The following MAMLD1 variants were observed in gnomAD, a reference collection of about 807,000 sequenced individuals.
MAMLD1 encodes the protein mastermind-like domain-containing protein 1.
MAMLD1 carries 14 observed loss-of-function variants against 45.0 expected under a neutral mutation model. The observed-to-expected ratio is 0.31, with a 90% CI of 0.21 to 0.49. The LOEUF (loss-of-function observed/expected upper bound fraction) is 0.49. MAMLD1 is among the 20% of genes least tolerant of loss of function. The pLI is 0.99. For missense variants in MAMLD1, 543 were observed against 603.6 expected, an observed-to-expected ratio of 0.90 and a Z score of 1.05; for synonymous variants, 254 against 247.8, an observed-to-expected ratio of 1.02 and a Z score of -0.24.
chrX:150,368,728 T>C (rs1557400873), intron 1 of MAMLD1, among the ~76,000 whole-genome samples: 2 of 112,270 alleles, frequency 1.8e-5, no homozygotes, highest in African/African-American at 3.2e-5. Flanking sequence ...CATCTTGAAT[T>C]AATTTTTGTA....
intron 1 of MAMLD1, among the ~76,000 whole-genome samples, chrX:150,402,932 G>A (rs1299256227): frequency 8.1e-5 from 9 of 110,618 alleles, no homozygotes; most frequent in African/African-American, 2.6e-4. Flanking sequence ...TGGGGTGGGG[G>A]GAGGAAGGAG....
chrX:150,475,143 T>C (rs1376801464), intron 5 of MAMLD1, among the ~76,000 whole-genome samples: 1 of 111,103 alleles, frequency 9.0e-6, no homozygotes, highest in East Asian at 2.8e-4. Context: ...ACATTTGCCG[T>C]GGACGATAAT....
chrX:150,378,701 G>A (rs782702502), intron 1 of MAMLD1, among the ~76,000 whole-genome samples: 21 of 111,485 alleles, frequency 1.9e-4, no homozygotes, highest in Non-Finnish European at 1.1e-4. Context: ...TTTATATTAG[G>A]TTGACTTGTG....
At chrX:150,448,128 G>A (rs2035550193) in intron 2 of MAMLD1, among the ~76,000 whole-genome samples, 3 of 112,048 alleles carry the variant, frequency 2.7e-5, no homozygotes. Context: ...CCTAAGACTA[G>A]GGCTCAGAAC....
At chrX:150,484,443 C>T (rs971224271) in intron 5 of MAMLD1, among the ~76,000 whole-genome samples, 1 of 112,251 alleles carries the variant, frequency 8.9e-6, no homozygotes, top group Admixed American at 9.4e-5. Context: ...TATGAATTGC[C>T]CTAGTTCAAG....
At chrX:150,431,519 A>G (rs782278784) in intron 1 of MAMLD1, among the ~76,000 whole-genome samples, 4 of 110,331 alleles carry the variant, frequency 3.6e-5, no homozygotes, top group Non-Finnish European at 3.8e-5. Context: ...CCACCCACGT[A>G]ATAAGCATAG....
intron 1 of MAMLD1, among the ~76,000 whole-genome samples, chrX:150,384,957 C>T (rs1264328560): frequency 2.7e-5 from 3 of 110,497 alleles, no homozygotes; most frequent in African/African-American, 9.9e-5. Flanking sequence ...AAAATCTGCC[C>T]TCTTAGCAAG....
In MAMLD1 at chrX:150,398,568, A is replaced by G. The variant is rs961610070; in HGVS notation, c.-64+35038A>G. Among the ~76,000 whole-genome samples the G allele has an allele frequency of 8.1e-5, 9 of 111,291 alleles. No homozygotes were observed. The East Asian group carries it at 2.6e-3, about 32-fold the overall frequency. ...TCAGTGATAGTAATTACCCTGGGGT[A>G]CTCTCAGTGTGGACTCAATAATGGA... On this transcript the variant is annotated intron_variant, in intron 1 of 7. Coordinates refer to ENST00000370401, the MANE Select transcript of MAMLD1 (RefSeq NM_005491.5).
chrX:150,372,238 G>C (rs782141325), intron 1 of MAMLD1, among the ~76,000 whole-genome samples: 2 of 112,445 alleles, frequency 1.8e-5, no homozygotes, highest in South Asian at 7.5e-4. Context: ...GGAGAATGGA[G>C]ATTGTAAATT....
chrX:150,494,181 A>G (rs1021530148), intron 5 of MAMLD1, among the ~76,000 whole-genome samples: 3 of 111,046 alleles, frequency 2.7e-5, no homozygotes, highest in Admixed American at 9.5e-5. Flanking sequence ...GGATCACGAG[A>G]TCAGAAGTTC....
intron 2 of MAMLD1, among the ~76,000 whole-genome samples, chrX:150,452,692 G>A (rs1156650115): frequency 9.4e-6 from 1 of 106,669 alleles, no homozygotes; most frequent in East Asian, 3.0e-4. Flanking sequence ...ACACTGGTGC[G>A]CTGCACCCAC....
intron 1 of MAMLD1, among the ~76,000 whole-genome samples, chrX:150,368,410 T>C (rs6627861): frequency 0.033 from 3,562 of 109,578 alleles, 131 homozygotes; most frequent in East Asian, 0.14. Flanking sequence ...TGGGGTTGTT[T>C]TTTTTTTTTC....
rs1464577339 is a variant in MAMLD1, at chrX:150,368,406, TG to T, written c.-64+4877del. 1.1e-4 allele frequency among the ~76,000 whole-genome samples: 12 copies of T among 107,017 alleles called. No homozygotes were observed. The South Asian group carries it at 3.0e-3, about 27-fold the overall frequency. The allele number at this position is 107,017 out of a possible 115,157, so 92.9% of individuals were successfully genotyped here. On this transcript the variant is annotated intron_variant, in intron 1 of 7. Transcript: ENST00000370401. ...TCCTTCGCCCAATTTTTGATGGGGT[TG>T]TTTTTTTTTTTTCTTGTAAATTTGT...
At chrX:150,499,260 T>C (rs2037481742) in intron 5 of MAMLD1, among the ~76,000 whole-genome samples, 1 of 112,026 alleles carries the variant, frequency 8.9e-6, no homozygotes, top group Non-Finnish European at 1.9e-5. Context: ...TCCATTACCT[T>C]AATTCCAGAA....
At chrX:150,393,141 C>A (rs1276856649) in intron 1 of MAMLD1, among the ~76,000 whole-genome samples, 2 of 112,123 alleles carry the variant, frequency 1.8e-5, no homozygotes, top group African/African-American at 3.2e-5. Flanking sequence ...AACCACTGAT[C>A]TTTTACTACC....
chrX:150,422,669 G>A (rs183605275), intron 1 of MAMLD1, among the ~76,000 whole-genome samples: 4 of 111,648 alleles, frequency 3.6e-5, no homozygotes, highest in Non-Finnish European at 7.5e-5. Flanking sequence ...CACGCACCTC[G>A]GCCTCACAAA....
intron 3 of MAMLD1, 152 bp from the exon 4 acceptor site, chrX:150,469,593 C>A: frequency 2.1e-6 from 1 of 466,226 alleles, no homozygotes; most frequent in Non-Finnish European, 3.6e-6. Flanking sequence ...TGTGCCAAAC[C>A]TTTATAAAAA....
At chrX:150,493,459 T>C (rs897490111) in intron 5 of MAMLD1, among the ~76,000 whole-genome samples, 1 of 112,274 alleles carries the variant, frequency 8.9e-6, no homozygotes, top group Admixed American at 9.4e-5. Context: ...AAATCTTTTT[T>C]TGGAATCCAC....
In MAMLD1 at chrX:150,445,632, G is replaced by T. The variant is rs781873091; in HGVS notation, c.96+20G>T. The T allele has an allele frequency of 4.3e-5, 47 of 1,086,790 alleles. No individual in the cohort carries two copies. The highest frequency in any genetic ancestry group is 5.6e-5 in the Non-Finnish European group (44 of 784,944). 89.6% of individuals were successfully genotyped at this position (1,086,790 alleles called of 1,213,427 possible). On this transcript the variant is annotated intron_variant, in intron 2 of 7. Coordinates refer to ENST00000370401, the MANE Select transcript of MAMLD1 (RefSeq NM_005491.5). ...GAATCGGTCAGACAATGGGCCATGG[G>T]GGGAGGGGGGTATTTAATGCTTCTA...
Sources: gnomAD v4.1 joint callset for allele counts (sites outside exome capture counted in the v4.1 genomes callset) on GRCh38, gnomAD v4.1.1 for gene constraint, MANE v1.5 for transcripts, NCBI Gene and HGNC (gene_info 2026-07-23, HGNC 2026-07-21) for gene names.